Variants in SFR1 observed in about 807,000 individuals in gnomAD.
SFR1 encodes the protein swi5-dependent recombination DNA repair protein 1 homolog.
A neutral mutation model predicts 26.2 loss-of-function variants in SFR1; 24 were observed. The ratio of observed to expected loss-of-function variants is 0.92; its 90% CI spans 0.66 to 1.29. The LOEUF (loss-of-function observed/expected upper bound fraction) is 1.29, where lower values mean the gene tolerates loss of function less well. Ranked by LOEUF, SFR1 falls within the 50% of genes most tolerant of loss-of-function variation. The pLI is 0.00. For missense variants in SFR1, 276 were observed against 270.2 expected (o/e 1.02, Z -0.15); for synonymous variants, 77 against 96.6 (o/e 0.80, Z 1.19).
chr10:104,121,927 G>A (rs1307391425), upstream of SFR1: 5 of 492,098 alleles, frequency 1.0e-5, no homozygotes, highest in South Asian at 1.1e-4. Context: ...CGCTGGGCGG[G>A]GAGAGCCGCG....
At position 104,123,989 on chromosome 10, in the gene SFR1, T is replaced by A. The variant is rs780093620; in HGVS notation, c.411T>A (p.Ala137=). Residue 137 remains alanine (A), a synonymous_variant, in exon 3 of 4, where the codon GCT becomes GCA. Transcript: ENST00000369727. ...CACTTGATTCTGGATCATGCAGTGC[T>A]CTCCAAAATGAGTTTGTGAGTGAGA... ...SQSLDSGSCS[A]LQNEFVSEKL... The A allele has an allele frequency of 2.5e-6, 4 of 1,613,896 alleles. No individual in the cohort carries two copies. The African/African-American group carries it at 5.3e-5, about 22-fold the overall frequency.
rs570643571 is a variant in SFR1, at chr10:104,124,182, G to A, written c.546+58G>A. On this transcript the variant is annotated intron_variant, in intron 3 of 3. Transcript: ENST00000369727. ...TTATTTTTACATAAATTACAGGAAA[G>A]TAATTTCAAAAATAGAATTTTTTTT... is the stretch of plus-strand genomic sequence containing the variant. The A allele has an allele frequency of 2.0e-4, 275 of 1,374,282 alleles. No individual in the cohort carries two copies. In the African/African-American group the frequency reaches 2.7e-3, roughly 13 times the overall value. The allele number at this position is 1,374,282 out of a possible 1,614,324, so 85.1% of individuals were successfully genotyped here. A position where few individuals can be genotyped will look rare whatever the true frequency, so the allele number is the denominator to read the frequency against.
upstream of SFR1, among the ~76,000 whole-genome samples, chr10:104,120,806 A>G (rs114225607): frequency 0.012 from 1,800 of 152,232 alleles, 43 homozygotes; most frequent in African/African-American, 0.042. Flanking sequence ...TACGCCCCTA[A>G]TCATTCCCTT....
intron 1 of SFR1, 30 bp downstream of exon 1, chr10:104,122,226 T>TGACACCTGGGCTTCCCC (rs2086971617): frequency 6.5e-7 from 1 of 1,529,736 alleles, no homozygotes; most frequent in Non-Finnish European, 8.8e-7. Context: ...GGGGGATCCC[T>TGACACCTGGGCTTCCCC]GACACCTGGG....
At chr10:104,122,472 C>T (rs1186867289) in intron 1 of SFR1, 1 of 985,318 alleles carries the variant, frequency 1.0e-6, no homozygotes, top group Non-Finnish European at 1.2e-6. Context: ...TAAAAGGCTA[C>T]AGACGGGCTT....
chr10:104,121,813 G>A (rs1287963721), upstream of SFR1, among the ~76,000 whole-genome samples: 1 of 152,198 alleles, frequency 6.6e-6, no homozygotes, highest in Non-Finnish European at 1.5e-5. Flanking sequence ...ACGGAAGCGC[G>A]CCCCCCTCAG....
upstream of SFR1, among the ~76,000 whole-genome samples, chr10:104,121,039 T>C (rs773934612): frequency 2.6e-5 from 4 of 151,860 alleles, no homozygotes; most frequent in Non-Finnish European, 5.9e-5. Flanking sequence ...CTAAACCCAG[T>C]GCTCCACCCA....
rs2087018009 is a variant in SFR1, at chr10:104,125,614, A to G, written c.648A>G (p.Lys216=). Residue 216 remains lysine (K), a synonymous_variant, in exon 4 of 4, where the codon AAA becomes AAG. Coordinates refer to ENST00000369727, the MANE Select transcript of SFR1 (RefSeq NM_001002759.2). ...LQSAVSEENK[K]LSLTQLIDHY... ...CAGCTGTGTCTGAAGAGAACAAGAA[A>G]CTAAGCCTTACTCAATTGATAGACC... 12 of 1,613,532 alleles carry G rather than the reference A, an allele frequency of 7.4e-6. No individual in the cohort carries two copies. Among genetic ancestry groups the G allele is most frequent in the Non-Finnish European group, 9.3e-6 (11 of 1,179,482 alleles).
upstream of SFR1, chr10:104,121,973 C>T (rs2086967091): frequency 3.7e-6 from 2 of 545,008 alleles, no homozygotes; most frequent in African/African-American, 2.0e-5. Context: ...GCGTCTGGGC[C>T]TCCCATCGTG....
chr10:104,122,081 A>C, upstream of SFR1: 5 of 1,340,976 alleles, frequency 3.7e-6, no homozygotes, highest in Non-Finnish European at 5.2e-6. Flanking sequence ...GCGTCAGGCA[A>C]TCTGGCCAAT....
chr10:104,123,706 C>T lies in SFR1; in HGVS notation c.136-8C>T, dbSNP rs1298604793. 3 of 1,560,798 alleles carry T rather than the reference C, an allele frequency of 1.9e-6. No individual in the cohort carries two copies. The highest frequency in any genetic ancestry group is 4.1e-5 in the Admixed American group (2 of 48,218). ...ATTCACATTTTTAATGTTTTGTGCT[C>T]TTTATAGCCTATGAGTGCAACACTT... On this transcript the variant is annotated splice_polypyrimidine_tract_variant and splice_region_variant and intron_variant, in intron 2 of 3. Coordinates refer to ENST00000369727, the MANE Select transcript of SFR1 (RefSeq NM_001002759.2).
upstream of SFR1, chr10:104,121,921 G>C (rs1277423453): frequency 2.1e-6 from 1 of 487,116 alleles, no homozygotes; most frequent in Non-Finnish European, 3.6e-6. Flanking sequence ...CTCGGGCGCT[G>C]GGCGGGGAGA....
rs923183092 is a variant in SFR1 at position 104,124,571 on chromosome 10, T to A, written c.546+447T>A. The stretch of plus-strand genomic sequence containing the variant: ...TGAGAAAATATATATATATATATAT[T>A]ATATTTTAGATTTCAACCCATATAG... On this transcript the variant is annotated intron_variant, in intron 3 of 3. Transcript: ENST00000369727. Among the ~76,000 whole-genome samples the A allele has an allele frequency of 2.7e-5, 4 of 149,824 alleles. No individual in the cohort carries two copies. The East Asian group carries it at 5.8e-4, about 22-fold the overall frequency.
upstream of SFR1, among the ~76,000 whole-genome samples, chr10:104,121,349 C>G (rs2086958895): frequency 6.6e-6 from 1 of 152,062 alleles, no homozygotes; most frequent in African/African-American, 2.4e-5. Flanking sequence ...ACAACAACAA[C>G]AAAAAACCTC....
chr10:104,123,301 T>G (rs1216339496), intron 2 of SFR1: 2 of 493,124 alleles, frequency 4.1e-6, no homozygotes, highest in East Asian at 6.3e-5. Flanking sequence ...TTCATTTCAG[T>G]TAGTTTCAGA....
intron 1 of SFR1, 51 bp from the exon 2 acceptor site, chr10:104,122,914 A>G (rs576270956): frequency 1.2e-6 from 2 of 1,601,652 alleles, no homozygotes; most frequent in African/African-American, 2.7e-5. Context: ...ATAAAAGTCG[A>G]CTATAGAGAG....
chr10:104,125,664 T>C lies in SFR1; in HGVS notation c.698T>C (p.Leu233Pro). 2 of 1,610,150 alleles carry C rather than the reference T, an allele frequency of 1.2e-6. No individual in the cohort carries two copies. Among genetic ancestry groups the C allele is most frequent in the Non-Finnish European group, 1.7e-6 (2 of 1,177,126 alleles). The change falls in exon 4 of 4, where the codon CTA becomes CCA. Residue 233 changes from leucine to proline, a missense_variant. Coordinates refer to ENST00000369727, the MANE Select transcript of SFR1 (RefSeq NM_001002759.2). The part of the protein sequence containing the change: ...IDHYGLDDKL[L>P]HYNRSEEEFI... ...CACTATGGGTTAGATGATAAATTAC[T>C]ACACTATAACAGAAGTGAAGAAGAA...
At chr10:104,122,453 C>T (rs575520306) in intron 1 of SFR1, 4 of 985,360 alleles carry the variant, frequency 4.1e-6, no homozygotes, top group African/African-American at 3.5e-5. Flanking sequence ...CCCTGTTGGC[C>T]GCTTAAACTA....
At chr10:104,122,614 T>A in intron 1 of SFR1, 1 of 985,364 alleles carries the variant, frequency 1.0e-6, no homozygotes. Flanking sequence ...CTATAGCTTC[T>A]TGAATTATGA....
Sources: gnomAD v4.1 joint callset for allele counts (sites outside exome capture counted in the v4.1 genomes callset) on GRCh38, gnomAD v4.1.1 for gene constraint, MANE v1.5 for transcripts, NCBI Gene and HGNC (gene_info 2026-07-23, HGNC 2026-07-21) for gene names.